SNRPN: variants seen among roughly 807,000 people sequenced by gnomAD.
The protein encoded by SNRPN is small nuclear ribonucleoprotein polypeptide N.
Under a neutral mutation model 25.2 loss-of-function variants are expected in SNRPN, and 7 were observed. That is an observed-to-expected ratio of 0.28 (90% CI 0.16 to 0.52). The LOEUF (loss-of-function observed/expected upper bound fraction) is 0.52, where lower values mean the gene tolerates loss of function less well. Ranked by LOEUF, SNRPN falls within the 20% of genes least tolerant of loss-of-function variation. The pLI, the probability that SNRPN is intolerant of heterozygous loss-of-function variation, is 0.96. For missense variants in SNRPN, 196 were observed against 322.5 expected (o/e 0.61, Z 3.00); for synonymous variants, 124 against 110.6 (o/e 1.12, Z -0.76).
intron 2 of SNRPN, among the ~76,000 whole-genome samples, chr15:24,897,820 G>C (rs2058173889): frequency 6.6e-6 from 1 of 152,124 alleles, no homozygotes. Flanking sequence ...TTTCCTCCAT[G>C]ATGGTGAGGG....
intron 2 of SNRPN, among the ~76,000 whole-genome samples, chr15:24,962,778 C>T (rs569278445): frequency 5.1e-4 from 77 of 152,036 alleles, no homozygotes; most frequent in Non-Finnish European, 9.9e-4. Context: ...TTTAAATGAC[C>T]TAATACATAT....
At chr15:24,874,376 G>T (rs980537821) in intron 1 of SNRPN, among the ~76,000 whole-genome samples, 3 of 150,048 alleles carry the variant, frequency 2.0e-5, no homozygotes, top group Admixed American at 2.0e-4. Flanking sequence ...TCAATCTGGA[G>T]TAGGAGTGAC....
At chr15:24,944,918 TTC>T (rs1426784785) in intron 3 of SNRPN, among the ~76,000 whole-genome samples, 3 of 152,204 alleles carry the variant, frequency 2.0e-5, no homozygotes, top group Non-Finnish European at 2.9e-5. Flanking sequence ...TTGGTTTGTT[TTC>T]TCTTATGGGT....
At chr15:24,923,881 A>ATGTGTATGTGTG (rs2060187099) in intron 3 of SNRPN, among the ~76,000 whole-genome samples, 1 of 106,122 alleles carries the variant, frequency 9.4e-6, no homozygotes, top group African/African-American at 3.8e-5. Flanking sequence ...AGTGCCGTGT[A>ATGTGTATGTGTG]TGTGTGTGTG....
chr15:24,961,338 G>C (rs1366103953), intron 1 of SNRPN, among the ~76,000 whole-genome samples: 1 of 152,146 alleles, frequency 6.6e-6, no homozygotes, highest in African/African-American at 2.4e-5. Flanking sequence ...ATTATTAATA[G>C]CTTTTGGCAT....
chr15:24,937,959 T>A lies in SNRPN; in HGVS notation c.-391+17835T>A, dbSNP rs1039231386. On this transcript the variant is annotated intron_variant, in intron 3 of 11. Transcript: ENST00000400097. ...CATGCATCAGAATGTACTTCCTTTT[T>A]GAGGTTGAATGATACTCCATTGCAT... Among the ~76,000 whole-genome samples the A allele has an allele frequency of 5.3e-5, 8 of 152,224 alleles. No homozygotes were observed. The East Asian group carries it at 1.5e-3, about 29-fold the overall frequency.
At chr15:24,918,484 TAATATATATGTGTGTATATATAACATAA>T (rs1353373862) in intron 2 of SNRPN, among the ~76,000 whole-genome samples, 9 of 124,548 alleles carry the variant, frequency 7.2e-5, no homozygotes, top group South Asian at 2.5e-4. Context: ...ATATATAACA[TAATATATATGTGTGTATATATAACATAA>T]TATATATATG....
chr15:24,871,744 G>A (rs962415497), intron 1 of SNRPN, among the ~76,000 whole-genome samples: 4 of 149,110 alleles, frequency 2.7e-5, no homozygotes, highest in African/African-American at 9.8e-5. Context: ...TCGCTCTGTT[G>A]CCCAGGCTAG....
rs2077074541 is a variant in SNRPN, at chr15:24,976,501, C to T, written c.267+85C>T. ...ATGTCTGAAATCAGGGTAGAGCAGACACAGTTCAACATGGATTGTCAAATA... is the reference window on the plus strand; with the variant it reads ...ATGTCTGAAATCAGGGTAGAGCAGATACAGTTCAACATGGATTGTCAAATA... On this transcript the variant is annotated intron_variant, in intron 6 of 9. Transcript: ENST00000390687. 4 of 908,098 alleles carry T rather than the reference C, an allele frequency of 4.4e-6. No individual in the cohort carries two copies. In the South Asian group the frequency reaches 5.7e-5, roughly 13 times the overall value. 56.3% of individuals were successfully genotyped at this position (908,098 alleles called of 1,614,324 possible). A position where few individuals can be genotyped will look rare whatever the true frequency, so the allele number is the denominator to read the frequency against.
In SNRPN at chr15:24,973,416, T is replaced by G. The variant is rs180839645; in HGVS notation, c.-143-895T>G. Among the ~76,000 whole-genome samples, 148 of 151,896 alleles carry G rather than the reference T, an allele frequency of 9.7e-4. 1 individual carries two copies. In the Middle Eastern group the frequency reaches 0.017, roughly 18 times the overall value. Reference sequence around the variant, plus strand: ...TATTTATTTATTTTGAGATGAAGTTTTGCTCTTGTCCCTCCTTGTTGCCCA... The same window carrying G: ...TATTTATTTATTTTGAGATGAAGTTGTGCTCTTGTCCCTCCTTGTTGCCCA... On this transcript the variant is annotated intron_variant, in intron 3 of 9. Transcript: ENST00000390687.
intron 1 of SNRPN, among the ~76,000 whole-genome samples, chr15:24,880,618 A>G (rs949173710): frequency 2.0e-5 from 3 of 152,228 alleles, no homozygotes; most frequent in Non-Finnish European, 4.4e-5. Context: ...TTTCCTGAAA[A>G]TGGAACCCTA....
chr15:24,860,285 C>G (rs963993968), intron 1 of SNRPN, among the ~76,000 whole-genome samples: 13 of 151,872 alleles, frequency 8.6e-5, no homozygotes, highest in African/African-American at 2.9e-4. Flanking sequence ...GATCTGACAC[C>G]ATTAACTTTA....
rs563594762 is a variant in SNRPN, at chr15:24,941,827, G to A, written c.-390-20287G>A. 7.9e-5 allele frequency among the ~76,000 whole-genome samples: 12 copies of A among 152,120 alleles called. No individual in the cohort carries two copies. The South Asian group carries it at 2.5e-3, about 32-fold the overall frequency. ...AGAGTCTCACTCTGTCACCCAGGCT[G>A]CAGTGCAGTGGCGCAATCTCAGCTC... is the stretch of plus-strand genomic sequence containing the variant. On this transcript the variant is annotated intron_variant, in intron 3 of 11. Transcript: ENST00000400097.
intron 2 of SNRPN, among the ~76,000 whole-genome samples, chr15:24,902,782 C>T (rs1028435266): frequency 2.0e-5 from 3 of 152,120 alleles, no homozygotes; most frequent in Admixed American, 1.3e-4. Context: ...CAGACCTTTG[C>T]GGTGTTACAA....
Position 24,889,934 on chromosome 15 carries a change from C to T in SNRPN, c.-505+3345C>T, listed in dbSNP as rs1020201296. ...GTGTGGTGGTACACGCTTGTAGTCCCAGCTACTCAGGAGACTGAGGCAGGA... is the reference window on the plus strand; with the variant it reads ...GTGTGGTGGTACACGCTTGTAGTCCTAGCTACTCAGGAGACTGAGGCAGGA... On this transcript the variant is annotated intron_variant, in intron 2 of 11. Coordinates refer to the SNRPN transcript ENST00000400097. Among the ~76,000 whole-genome samples the T allele has an allele frequency of 6.0e-5, 9 of 150,696 alleles. No homozygotes were observed. In the East Asian group the frequency reaches 1.6e-3, roughly 27 times the overall value.
At chr15:24,871,653 T>C (rs1411739066) in intron 1 of SNRPN, among the ~76,000 whole-genome samples, 1 of 151,980 alleles carries the variant, frequency 6.6e-6, no homozygotes, top group East Asian at 1.9e-4. Context: ...TGTGACAATC[T>C]TTTATATATT....
chr15:24,909,460 G>A, intron 2 of SNRPN: 1 of 1,584,514 alleles, frequency 6.3e-7, no homozygotes. Context: ...CCTCCACTTG[G>A]CCTTCATAGA....
intron 1 of SNRPN, among the ~76,000 whole-genome samples, chr15:24,862,483 G>A (rs1345954624): frequency 6.6e-6 from 1 of 150,906 alleles, no homozygotes; most frequent in Non-Finnish European, 1.5e-5. Flanking sequence ...GAGAGATGGA[G>A]TGTCTAGGGA....
intron 1 of SNRPN, among the ~76,000 whole-genome samples, chr15:24,866,000 A>G (rs774834436): frequency 6.6e-6 from 1 of 151,846 alleles, no homozygotes; most frequent in Non-Finnish European, 1.5e-5. Flanking sequence ...GGATTCATCT[A>G]TTTTTCCTGT....
Sources: allele counts gnomAD v4.1 joint callset (sites outside exome capture counted in the v4.1 genomes callset), GRCh38; gene constraint gnomAD v4.1.1; transcripts MANE v1.5; gene names NCBI Gene and HGNC (gene_info 2026-07-23, HGNC 2026-07-21).